The following SOX5 variants were observed in gnomAD, a reference collection of about 807,000 sequenced individuals.
SOX5 encodes the protein SRY-box transcription factor 5.
In SOX5, 9 loss-of-function variants were observed where a neutral mutation model predicts 92.0. The observed-to-expected ratio is 0.10, with a 90% CI of 0.06 to 0.17. The LOEUF is 0.17. Ranked by LOEUF, SOX5 falls within the 10% of genes least tolerant of loss-of-function variation. The pLI is 1.00. For missense variants in SOX5, 642 were observed against 944.5 expected (o/e 0.68, Z 4.20); for synonymous variants, 344 against 336.3 (o/e 1.02, Z -0.25).
chr12:23,864,349 G>C (rs920775656), intron 2 of SOX5, among the ~76,000 whole-genome samples: 1 of 152,010 alleles, frequency 6.6e-6, no homozygotes, highest in Admixed American at 6.6e-5. Context: ...GCCTCTAAGG[G>C]TTCAAGTAAA....
chr12:23,618,024 G>A (rs1171618604), intron 8 of SOX5, among the ~76,000 whole-genome samples: 1 of 152,078 alleles, frequency 6.6e-6, no homozygotes, highest in African/African-American at 2.4e-5. Context: ...TGCCGCTCCA[G>A]ACTTGCTGTT....
chr12:24,385,998 T>C (rs941897110), intron 1 of SOX5, among the ~76,000 whole-genome samples: 1 of 151,618 alleles, frequency 6.6e-6, no homozygotes, highest in African/African-American at 2.4e-5. Flanking sequence ...ATCAAATGTT[T>C]TAAAATCTTT....
intron 3 of SOX5, among the ~76,000 whole-genome samples, chr12:24,271,742 TA>T (rs1943767165): frequency 6.6e-6 from 1 of 152,230 alleles, no homozygotes; most frequent in South Asian, 2.1e-4. Context: ...TTCTCCACTT[TA>T]AAGGACTGCC....
intron 4 of SOX5, among the ~76,000 whole-genome samples, chr12:24,084,913 A>G (rs1943786149): frequency 6.6e-6 from 1 of 152,174 alleles, no homozygotes; most frequent in Non-Finnish European, 1.5e-5. Flanking sequence ...TGATGCTAAC[A>G]GAAACCTTTA....
chr12:24,076,595 TCC>T lies in SOX5; in HGVS notation c.-2+136746_-2+136747del, dbSNP rs1238538005. Reference sequence around the variant, plus strand: ...CCCTTGCAAACATGCAGAATCTTTTTCCATGTGAAAAAGTCTAAAGTATTTTC... The same window carrying T: ...CCCTTGCAAACATGCAGAATCTTTTTATGTGAAAAAGTCTAAAGTATTTTC... On this transcript the variant is annotated intron_variant, in intron 4 of 4. Coordinates refer to the SOX5 transcript ENST00000446891. 4.0e-3 allele frequency among the ~76,000 whole-genome samples: 603 copies of T among 152,266 alleles called. 3 individuals carry two copies. The highest frequency in any genetic ancestry group is 7.1e-3 in the Non-Finnish European group (484 of 68,014).
chr12:24,351,437 A>G (rs1431483337), intron 2 of SOX5, among the ~76,000 whole-genome samples: 2 of 152,196 alleles, frequency 1.3e-5, no homozygotes, highest in African/African-American at 2.4e-5. Flanking sequence ...GACTCCTAGA[A>G]AAAGAGTTAA....
chr12:24,429,839 T>C (rs1045538501), intron 1 of SOX5, among the ~76,000 whole-genome samples: 4 of 152,118 alleles, frequency 2.6e-5, no homozygotes, highest in African/African-American at 9.7e-5. Flanking sequence ...TAAGATAACA[T>C]CCAATACAAC....
At chr12:23,921,531 G>A (rs532776464) in intron 1 of SOX5, among the ~76,000 whole-genome samples, 51 of 152,112 alleles carry the variant, frequency 3.4e-4, no homozygotes, top group Non-Finnish European at 6.0e-4. Context: ...GGTCTTAGGG[G>A]ACATGTCTGT....
At chr12:24,027,636 G>T (rs1955023616) in intron 4 of SOX5, among the ~76,000 whole-genome samples, 1 of 151,886 alleles carries the variant, frequency 6.6e-6, no homozygotes, top group Admixed American at 6.6e-5. Context: ...TTCGTTGAAG[G>T]TTTATTCAAG....
At chr12:24,257,052 G>A (rs960060306) in intron 3 of SOX5, among the ~76,000 whole-genome samples, 1 of 152,160 alleles carries the variant, frequency 6.6e-6, no homozygotes, top group African/African-American at 2.4e-5. Context: ...GTGAATAGAA[G>A]GGAAAGTACT....
At chr12:24,142,991 A>G (rs567814913) in intron 4 of SOX5, among the ~76,000 whole-genome samples, 6 of 152,102 alleles carry the variant, frequency 3.9e-5, no homozygotes, top group Middle Eastern at 3.2e-3. Context: ...GGATTAGAGG[A>G]AACAGTAACT....
At chr12:24,456,544 G>C (rs1331786760) in intron 1 of SOX5, among the ~76,000 whole-genome samples, 1 of 152,140 alleles carries the variant, frequency 6.6e-6, no homozygotes, top group Non-Finnish European at 1.5e-5. Flanking sequence ...ATCTTCACAT[G>C]TTATCTTATC....
intron 1 of SOX5, among the ~76,000 whole-genome samples, chr12:24,458,731 G>C (rs999232889): frequency 3.3e-5 from 5 of 152,098 alleles, no homozygotes; most frequent in African/African-American, 1.2e-4. Context: ...TTTTGAATCA[G>C]AACCTGAATT....
At chr12:24,531,217 A>T (rs1951171121) in intron 1 of SOX5, among the ~76,000 whole-genome samples, 1 of 152,196 alleles carries the variant, frequency 6.6e-6, no homozygotes, top group Non-Finnish European at 1.5e-5. Flanking sequence ...AACATTAAGC[A>T]GGAAAAAAAA....
At chr12:23,953,098 C>G (rs1178149430), upstream of SOX5, among the ~76,000 whole-genome samples, 1 of 151,972 alleles carries the variant, frequency 6.6e-6, no homozygotes, top group Non-Finnish European at 1.5e-5. Context: ...TTAAAATGTA[C>G]CTCTCTAAGC....
chr12:24,164,987 G>A (rs1428075813), intron 4 of SOX5, among the ~76,000 whole-genome samples: 4 of 151,918 alleles, frequency 2.6e-5, no homozygotes, highest in Non-Finnish European at 4.4e-5. Flanking sequence ...TATGTTTAAA[G>A]GCATTTTTTT....
chr12:24,090,213 A>C (rs10734731), intron 4 of SOX5, among the ~76,000 whole-genome samples: 119,086 of 152,042 alleles, frequency 0.78, 47,273 homozygotes, highest in East Asian at 1. Flanking sequence ...TAGATCTTGA[A>C]ATGAAAAACA....
At chr12:23,718,199 G>T (rs1437890065) in intron 6 of SOX5, among the ~76,000 whole-genome samples, 1 of 152,092 alleles carries the variant, frequency 6.6e-6, no homozygotes, top group East Asian at 1.9e-4. Context: ...ACTTCTTAAT[G>T]CTACTGGAAG....
chr12:24,122,549 A>G (rs1483514717), intron 4 of SOX5, among the ~76,000 whole-genome samples: 2 of 152,216 alleles, frequency 1.3e-5, no homozygotes, highest in African/African-American at 4.8e-5. Flanking sequence ...TGTTTTTGAC[A>G]TTTTGTCAAG....
Sources: allele counts gnomAD v4.1 joint callset (sites outside exome capture counted in the v4.1 genomes callset), GRCh38; gene constraint gnomAD v4.1.1; transcripts MANE v1.5; gene names NCBI Gene and HGNC (gene_info 2026-07-23, HGNC 2026-07-21).